The following ARAP1 variants were observed in gnomAD, a reference collection of about 807,000 sequenced individuals.
ARAP1 encodes the protein arf-GAP with Rho-GAP domain, ANK repeat and PH domain-containing protein 1.
ARAP1 carries 76 observed loss-of-function variants against 172.2 expected under a neutral mutation model. The ratio of observed to expected loss-of-function variants is 0.44; its 90% CI spans 0.37 to 0.53. ARAP1 has a LOEUF of 0.53. Ranked by LOEUF, ARAP1 falls within the 20% of genes least tolerant of loss-of-function variation. The pLI, the probability that ARAP1 is intolerant of heterozygous loss-of-function variation, is 0.00. For missense variants in ARAP1, 1,686 were observed against 1,977.5 expected, an observed-to-expected ratio of 0.85 and a Z score of 2.80; for synonymous variants, 804 against 803.3, an observed-to-expected ratio of 1.00 and a Z score of -0.01.
rs1856121733 is a variant in ARAP1, at chr11:72,695,092, T to C, written c.3582A>G (p.Pro1194=). 2 of 1,614,006 alleles carry C rather than the reference T, an allele frequency of 1.2e-6. No individual in the cohort carries two copies. Among genetic ancestry groups the C allele is most frequent in the Admixed American group, 1.7e-5 (1 of 60,012 alleles). Residue 1194 remains proline (P), a synonymous_variant, in exon 27 of 35, where the codon CCA becomes CCG. Coordinates refer to ENST00000393609, the MANE Select transcript of ARAP1 (RefSeq NM_001040118.3). This position sits in a 1 kb window ranked among gnomAD's most constrained non-coding sequence, Gnocchi z 4.4. ...TGAGCTCCTCAGCAGTCATGGATGCTGGGACCTGCAAGGACCAAGGAGGAG... is the reference window on the plus strand; with the variant it reads ...TGAGCTCCTCAGCAGTCATGGATGCCGGGACCTGCAAGGACCAAGGAGGAG... ...KAETEQHIKV[P]ASMTAEELTL... is the part of the protein sequence containing the mutation.
chr11:72,698,405 C>T (rs764538411), intron 18 of ARAP1, among the ~76,000 whole-genome samples: 15 of 152,322 alleles, frequency 9.8e-5, no homozygotes, highest in Non-Finnish European at 2.1e-4. Context: ...CTGCTGCTGC[C>T]GCCTGAACTA....
At chr11:72,749,369 GC>G (rs1245388616) in intron 1 of ARAP1, among the ~76,000 whole-genome samples, 1 of 152,146 alleles carries the variant, frequency 6.6e-6, no homozygotes, top group East Asian at 1.9e-4. Context: ...TGGGTTATTG[GC>G]AGGGTGGAAT....
Position 72,701,792 on chromosome 11 carries a change from G to T in ARAP1, c.2168-9C>A. 1 of 1,612,728 alleles carries T rather than the reference G, an allele frequency of 6.2e-7. No homozygotes were observed. The highest frequency in any genetic ancestry group is 8.5e-7 in the Non-Finnish European group (1 of 1,179,142). On this transcript the variant is annotated splice_polypyrimidine_tract_variant and intron_variant, in intron 15 of 34. Transcript: ENST00000393609. Reference sequence around the variant, plus strand: ...GTCCAGCCGAGGCACCTCTTTGTAGGCGGGGAAAGGATGGCAGGTCATGCT... The same window carrying T: ...GTCCAGCCGAGGCACCTCTTTGTAGTCGGGGAAAGGATGGCAGGTCATGCT...
At chr11:72,691,593 CAA>C (rs1855934154) in intron 30 of ARAP1, among the ~76,000 whole-genome samples, 2 of 152,162 alleles carry the variant, frequency 1.3e-5, no homozygotes, top group South Asian at 4.1e-4. Context: ...GCACAAAATG[CAA>C]AGAGAAGGAG....
At chr11:72,706,211 T>A (rs1243125965) in intron 12 of ARAP1, among the ~76,000 whole-genome samples, 1 of 152,202 alleles carries the variant, frequency 6.6e-6, no homozygotes, top group Non-Finnish European at 1.5e-5. Flanking sequence ...TGACTTCTAA[T>A]CCCTGCTTTC....
At chr11:72,727,346 G>A (rs1213411564) in intron 2 of ARAP1, among the ~76,000 whole-genome samples, 174 bp from the exon 3 acceptor site, 2 of 152,152 alleles carry the variant, frequency 1.3e-5, no homozygotes, top group Non-Finnish European at 2.9e-5. Context: ...GAACACACAG[G>A]CTCTTCTCTC....
intron 23 of ARAP1, 37 bp downstream of exon 23, chr11:72,696,512 C>T: frequency 6.9e-7 from 1 of 1,451,634 alleles, no homozygotes; most frequent in South Asian, 1.5e-5. Context: ...ACCTTCATCC[C>T]ATCCCCCCAG....
chr11:72,712,040 TCAGTGGTCA>T, intron 7 of ARAP1, among the ~76,000 whole-genome samples, 147 bp downstream of exon 7: 1 of 152,274 alleles, frequency 6.6e-6, no homozygotes, highest in South Asian at 2.1e-4. Flanking sequence ...GAGGGAATCA[TCAGTGGTCA>T]CAGTGTGCCT....
At position 72,699,445 on chromosome 11, in the gene ARAP1, G is replaced by T. The variant is rs1191330099; in HGVS notation, c.2410C>A (p.Leu804Met). ...GEIRASEIVCLAVPPPDTHGF... is the reference protein window; with the variant it reads ...GEIRASEIVCMAVPPPDTHGF... ...TGGGTGTCAGGAGGGGGCACTGCCA[G>T]GCACACAATCTCGCTGGCCCGAATC... The change falls in exon 17 of 35, where the codon CTG (leucine) becomes ATG (methionine). Residue 804 changes from leucine to methionine, a missense_variant. Leu to Met is a conservative substitution (Grantham distance 15). Around this residue, in one of 5 missense-constraint regions of ARAP1, gnomAD observed 688 missense variants for 856.9 expected, o/e 0.80. Transcript: ENST00000393609. This position sits in a 1 kb window ranked among gnomAD's most constrained non-coding sequence, Gnocchi z 4.2. 6.2e-7 allele frequency: 1 copy of T among 1,614,162 alleles called. No individual in the cohort carries two copies. Among genetic ancestry groups the T allele is most frequent in the East Asian group, 2.2e-5 (1 of 44,884 alleles).
chr11:72,728,063 C>G (rs1468465743), intron 2 of ARAP1, among the ~76,000 whole-genome samples: 4 of 152,206 alleles, frequency 2.6e-5, no homozygotes, highest in Non-Finnish European at 4.4e-5. Context: ...TAAATTGATA[C>G]TTTCTTAAAT....
intron 18 of ARAP1, 125 bp downstream of exon 18, chr11:72,698,880 T>C: frequency 9.8e-7 from 1 of 1,020,402 alleles, no homozygotes; most frequent in Non-Finnish European, 1.5e-6. Context: ...GCCCGCTCCA[T>C]GTCTGCTGCC....
intron 12 of ARAP1, 93 bp from the exon 13 acceptor site, chr11:72,705,983 G>T: frequency 7.5e-7 from 1 of 1,327,050 alleles, no homozygotes; most frequent in Non-Finnish European, 1.1e-6. Flanking sequence ...AGGCAGGGAT[G>T]AGAGGCCACA....
chr11:72,700,188 C>G (rs1591185577), intron 16 of ARAP1: 2 of 154,722 alleles, frequency 1.3e-5, no homozygotes, highest in African/African-American at 4.8e-5. Context: ...CAGCACTGAG[C>G]TTTACAGTGG....
chr11:72,702,764 C>T, intron 15 of ARAP1, 141 bp downstream of exon 15: 1 of 1,094,104 alleles, frequency 9.1e-7, no homozygotes. Context: ...CACTGACATG[C>T]AAACCCAAGC....
intron 3 of ARAP1, among the ~76,000 whole-genome samples, chr11:72,723,240 C>A (rs1198456401): frequency 6.6e-6 from 1 of 151,960 alleles, no homozygotes; most frequent in Non-Finnish European, 1.5e-5. Context: ...CCCAGGAGTT[C>A]GAGGCTACAG....
intron 3 of ARAP1, among the ~76,000 whole-genome samples, chr11:72,715,570 C>CTTTT (rs56115201): frequency 4.4e-5 from 6 of 135,816 alleles, no homozygotes; most frequent in Non-Finnish European, 4.7e-5. Flanking sequence ...TTTTTAACTT[C>CTTTT]TTTTTTTTTT....
Position 72,710,443 on chromosome 11 carries a change from T to C in ARAP1, c.1358A>G (p.Lys453Arg). ...GACCACGGCCACGTACAGCTTATTC[T>C]TGAAGCCACGAAGCTCCAGGCTGCC... ...RAGSLELRGFKNKLYVAVVGD... is the reference protein window; with the variant it reads ...RAGSLELRGFRNKLYVAVVGD... The change falls in exon 10 of 35, where the codon AAG becomes AGG. Residue 453 changes from lysine to arginine, a missense_variant. Lys to Arg is a conservative substitution (Grantham distance 26). This residue lies in a region of ARAP1 where 688 missense variants were observed against 856.9 expected (regional missense o/e 0.80). Coordinates refer to ENST00000393609, the MANE Select transcript of ARAP1 (RefSeq NM_001040118.3). The surrounding 1 kb of genome is among the most constrained non-coding windows in gnomAD (Gnocchi z 4.3). 1 of 1,614,076 alleles carries C rather than the reference T, an allele frequency of 6.2e-7. No homozygotes were observed. Among genetic ancestry groups the C allele is most frequent in the Non-Finnish European group, 8.5e-7 (1 of 1,179,986 alleles).
At chr11:72,745,842 G>C (rs541588322) in intron 1 of ARAP1, among the ~76,000 whole-genome samples, 2 of 152,162 alleles carry the variant, frequency 1.3e-5, no homozygotes, top group Non-Finnish European at 2.9e-5. Flanking sequence ...GTGCTTCTCT[G>C]AGGGGCAGAG....
At chr11:72,743,316 G>A (rs1374140073) in intron 1 of ARAP1, among the ~76,000 whole-genome samples, 1 of 152,190 alleles carries the variant, frequency 6.6e-6, no homozygotes, top group Non-Finnish European at 1.5e-5. Flanking sequence ...CTCAATATGT[G>A]GCACCTTCCA....
Sources: gnomAD v4.1 joint callset for allele counts (sites outside exome capture counted in the v4.1 genomes callset) on GRCh38, gnomAD v4.1.1 for gene constraint, gnomAD v4.1.1 regional missense constraint, Gnocchi (gnomAD v3.1) non-coding constraint, MANE v1.5 for transcripts, NCBI Gene and HGNC (gene_info 2026-07-23, HGNC 2026-07-21) for gene names.